PRKCH: variants seen among roughly 807,000 people sequenced by gnomAD.
PRKCH encodes protein kinase C eta.
In PRKCH, 28 loss-of-function variants were observed where a neutral mutation model predicts 82.5. The observed-to-expected ratio is 0.34, with a 90% CI of 0.25 to 0.47. The LOEUF (loss-of-function observed/expected upper bound fraction) is 0.47. PRKCH is among the 20% of genes least tolerant of loss of function. The pLI, the probability that PRKCH is intolerant of heterozygous loss-of-function variation, is 1.00. For synonymous variants in PRKCH, 322 were observed against 327.4 expected, an observed-to-expected ratio of 0.98 and a Z score of 0.18; for missense variants, 705 against 881.8, an observed-to-expected ratio of 0.80 and a Z score of 2.54.
At chr14:61,456,068 TA>T (rs1884752564) in intron 7 of PRKCH, among the ~76,000 whole-genome samples, 1 of 152,236 alleles carries the variant, frequency 6.6e-6, no homozygotes, top group Non-Finnish European at 1.5e-5. Flanking sequence ...AGAAACTGAA[TA>T]ATGATAATGA....
intron 12 of PRKCH, chr14:61,537,494 C>T (rs768640508): frequency 5.3e-5 from 8 of 152,124 alleles, no homozygotes; most frequent in Non-Finnish European, 1.0e-4. Context: ...TTTAGGGCTT[C>T]TGAGGTTCCA....
intron 1 of PRKCH, among the ~76,000 whole-genome samples, chr14:61,382,023 G>T (rs527521388): frequency 6.6e-6 from 1 of 152,294 alleles, no homozygotes; most frequent in Admixed American, 6.5e-5. Context: ...TTTTCCATCT[G>T]TGCAACGGTG....
intron 1 of PRKCH, among the ~76,000 whole-genome samples, chr14:61,290,568 A>G (rs2045352551): frequency 6.6e-6 from 1 of 152,104 alleles, no homozygotes; most frequent in Non-Finnish European, 1.5e-5. Flanking sequence ...TTTTTCCAAG[A>G]TGTCCTCTGA....
chr14:61,220,147 G>C (rs1052019774), intron 1 of PRKCH, among the ~76,000 whole-genome samples: 3 of 152,156 alleles, frequency 2.0e-5, no homozygotes, highest in African/African-American at 7.2e-5. Context: ...AACCAAATCT[G>C]CTCCTACAAC....
chr14:61,424,554 G>A (rs1466437271), intron 2 of PRKCH, among the ~76,000 whole-genome samples: 1 of 152,208 alleles, frequency 6.6e-6, no homozygotes, highest in Non-Finnish European at 1.5e-5. Context: ...GTGGAACTTT[G>A]AACTTGAGAG....
chr14:61,379,826 G>A (rs188755586), intron 1 of PRKCH, among the ~76,000 whole-genome samples: 7 of 152,288 alleles, frequency 4.6e-5, no homozygotes, highest in African/African-American at 9.6e-5. Flanking sequence ...TAAGGAGAAC[G>A]TATGCTCCCT....
intron 3 of PRKCH, 138 bp downstream of exon 3, chr14:61,443,399 T>C (rs1884070266): frequency 1.2e-6 from 1 of 848,622 alleles, no homozygotes; most frequent in African/African-American, 1.7e-5. Context: ...CTCTAGTATG[T>C]TGACCCAGTA....
At chr14:61,454,258 C>T (rs1006777771) in intron 7 of PRKCH, among the ~76,000 whole-genome samples, 7 of 152,062 alleles carry the variant, frequency 4.6e-5, no homozygotes, top group African/African-American at 7.2e-5. Flanking sequence ...TGCCCACTAC[C>T]GCGCCTGGCT....
At chr14:61,243,015 TA>T (rs1264472218) in intron 1 of PRKCH, among the ~76,000 whole-genome samples, 1 of 152,112 alleles carries the variant, frequency 6.6e-6, no homozygotes, top group Non-Finnish European at 1.5e-5. Flanking sequence ...TTGCTTTCTC[TA>T]CAGAGAAGTC....
At chr14:61,201,010 A>G (rs1307120457) in intron 1 of PRKCH, among the ~76,000 whole-genome samples, 2 of 152,166 alleles carry the variant, frequency 1.3e-5, no homozygotes, top group Non-Finnish European at 2.9e-5. Flanking sequence ...ACAAAAAATC[A>G]TGGTTTAAAC....
In PRKCH at chr14:61,329,234, C is replaced by CTTTTTTTCTTTT. The variant is rs1476293025; in HGVS notation, c.363+6777_363+6778insCTTTTTTTTTTT. Among the ~76,000 whole-genome samples the CTTTTTTTCTTTT allele has an allele frequency of 4.6e-4, 29 of 63,466 alleles. 1 individual carries two copies. The highest frequency in any genetic ancestry group is 6.1e-4 in the Non-Finnish European group (23 of 37,710). 41.6% of individuals were successfully genotyped at this position (63,466 alleles called of 152,430 possible). On this transcript the variant is annotated intron_variant, in intron 1 of 13. Coordinates refer to ENST00000332981, the MANE Select transcript of PRKCH (RefSeq NM_006255.5). ...ACTGCTCTTAGATAAACTCCTGAGTCTTTTTTTTTTTTTTTTTTTTGAGAC... is the reference window on the plus strand; with the variant it reads ...ACTGCTCTTAGATAAACTCCTGAGTCTTTTTTTCTTTTTTTTTTTTTTTTTTTTTTTTGAGAC...
intron 1 of PRKCH, among the ~76,000 whole-genome samples, chr14:61,230,255 C>T (rs1157607578): frequency 6.6e-6 from 1 of 152,138 alleles, no homozygotes; most frequent in Non-Finnish European, 1.5e-5. Context: ...TCACCTCATT[C>T]GGACCCGGGG....
At chr14:61,191,410 C>T (rs897030273) in intron 1 of PRKCH, among the ~76,000 whole-genome samples, 46 of 152,210 alleles carry the variant, frequency 3.0e-4, no homozygotes, top group Non-Finnish European at 5.4e-4. Context: ...CAGTGGCTAA[C>T]GCCTGTAATC....
At chr14:61,212,619 A>G (rs2044591208) in intron 1 of PRKCH, among the ~76,000 whole-genome samples, 1 of 152,202 alleles carries the variant, frequency 6.6e-6, no homozygotes, top group Admixed American at 6.5e-5. Context: ...ATGTGGTGAT[A>G]CAGTCATCTG....
intron 1 of PRKCH, among the ~76,000 whole-genome samples, chr14:61,270,050 G>C (rs2045139006): frequency 6.6e-6 from 1 of 152,226 alleles, no homozygotes; most frequent in Non-Finnish European, 1.5e-5. Context: ...CTTGGCTGCT[G>C]AGTTTACCTT....
rs1440401820 is a variant in PRKCH, at chr14:61,416,055, T to TTC, written c.427+24768_427+24769insCT. Reference sequence around the variant, plus strand: ...TCTTTTTTCTTTTCTTTTCTTTTCTTTTTTTTTTTTTTTTTTTTTGAGACG... The same window carrying TTC: ...TCTTTTTTCTTTTCTTTTCTTTTCTTTCTTTTTTTTTTTTTTTTTTTGAGACG... On this transcript the variant is annotated intron_variant, in intron 2 of 13. Transcript: ENST00000332981. Among the ~76,000 whole-genome samples, 53 of 59,348 alleles carry TTC rather than the reference T, an allele frequency of 8.9e-4. 1 individual carries two copies. The South Asian group carries it at 0.015, about 17-fold the overall frequency. The allele number at this position is 59,348 out of a possible 152,430, so 38.9% of individuals were successfully genotyped here. A position where few individuals can be genotyped will look rare whatever the true frequency, so the allele number is the denominator to read the frequency against.
At chr14:61,284,790 T>C (rs572599796) in intron 1 of PRKCH, among the ~76,000 whole-genome samples, 1 of 152,326 alleles carries the variant, frequency 6.6e-6, no homozygotes, top group Admixed American at 6.5e-5. Context: ...AAAAGGCATT[T>C]CTAGTCCAAA....
intron 1 of PRKCH, among the ~76,000 whole-genome samples, chr14:61,205,633 T>C (rs1051151303): frequency 6.6e-6 from 1 of 152,170 alleles, no homozygotes; most frequent in Non-Finnish European, 1.5e-5. Flanking sequence ...CTTTCCCAGG[T>C]GTCTCTCCTC....
At chr14:61,402,701 A>C (rs1452857996) in intron 2 of PRKCH, among the ~76,000 whole-genome samples, 2 of 152,132 alleles carry the variant, frequency 1.3e-5, no homozygotes, top group Admixed American at 6.5e-5. Flanking sequence ...CGGGAGGCTG[A>C]GGCAGGAGAA....
Sources: gnomAD v4.1 joint callset for allele counts (sites outside exome capture counted in the v4.1 genomes callset) on GRCh38, gnomAD v4.1.1 for gene constraint, MANE v1.5 for transcripts, NCBI Gene and HGNC (gene_info 2026-07-23, HGNC 2026-07-21) for gene names.